CXCL12: variants seen among roughly 807,000 people sequenced by gnomAD.
CXCL12 encodes stromal cell-derived factor 1.
Under a neutral mutation model 10.7 loss-of-function variants are expected in CXCL12, and 4 were observed. The observed-to-expected ratio is 0.37, with a 90% CI of 0.18 to 0.86. The LOEUF (loss-of-function observed/expected upper bound fraction) is 0.86. CXCL12 is among the 40% of genes least tolerant of loss of function. CXCL12 has a pLI of 0.43. For missense variants in CXCL12, 122 were observed against 110.4 expected (o/e 1.10, Z -0.47); for synonymous variants, 54 against 45.4 (o/e 1.19, Z -0.77).
chr10:44,379,336 A>T (rs1839558037), intron 2 of CXCL12, among the ~76,000 whole-genome samples: 1 of 151,924 alleles, frequency 6.6e-6, no homozygotes, highest in East Asian at 2.0e-4. Flanking sequence ...AGATTTTACA[A>T]GTTCACTGAA....
chr10:44,372,760 G>T, downstream of CXCL12: 2 of 1,438,144 alleles, frequency 1.4e-6, no homozygotes, highest in South Asian at 1.5e-5. Context: ...GCCTCACACT[G>T]CTGCCTCAGC....
At position 44,380,644 on chromosome 10, in the gene CXCL12, G is replaced by T. The variant is rs74960776; in HGVS notation, c.179+119C>A. 8.9e-4 allele frequency: 763 copies of T among 855,778 alleles called. 5 individuals carry two copies. The East Asian group carries it at 0.017, about 19-fold the overall frequency. 53.0% of individuals were successfully genotyped at this position (855,778 alleles called of 1,614,324 possible). A position where few individuals can be genotyped will look rare whatever the true frequency, so the allele number is the denominator to read the frequency against. On this transcript the variant is annotated intron_variant, in intron 2 of 2. Transcript: ENST00000343575. ...GAATAGCTGCCACTAATTATGCCAA[G>T]TTCAAGGTTGGACACTTGGCTTGTC...
At chr10:44,370,787 T>C (rs927801644) in exon 4 of CXCL12, 1 of 152,268 alleles carries the variant, frequency 6.6e-6, no homozygotes, top group Non-Finnish European at 1.5e-5. Context: ...TAATCTCTAA[T>C]AACAAGCAGA....
At position 44,384,616 on chromosome 10, in the gene CXCL12, G is replaced by A. The variant is rs529382271; in HGVS notation, c.61+329C>T. ...GTGGGTGGAGGGTGGGCAGGCAGGG[G>A]TCTGGGGTCCGCGGCTCCCCACCCT... On this transcript the variant is annotated intron_variant, in intron 1 of 2. Transcript: ENST00000343575. Among the ~76,000 whole-genome samples the A allele has an allele frequency of 1.4e-4, 21 of 152,346 alleles. No homozygotes were observed. The South Asian group carries it at 3.7e-3, about 27-fold the overall frequency.
downstream of CXCL12, chr10:44,375,720 C>T (rs17885932): frequency 2.5e-3 from 2,232 of 877,802 alleles, 39 homozygotes; most frequent in African/African-American, 0.03. Context: ...CCAGTCTCTG[C>T]ACAACTACTT....
downstream of CXCL12, chr10:44,372,483 G>A (rs1839338194): frequency 1.7e-5 from 6 of 352,740 alleles, no homozygotes; most frequent in South Asian, 2.0e-4. Context: ...AGAGGAGGAC[G>A]CTGGCTTTGA....
Sources: allele counts gnomAD v4.1 joint callset (sites outside exome capture counted in the v4.1 genomes callset), GRCh38; gene constraint gnomAD v4.1.1; transcripts MANE v1.5; gene names NCBI Gene and HGNC (gene_info 2026-07-23, HGNC 2026-07-21).